Variants in BSDC1 observed in about 807,000 individuals in gnomAD.
BSDC1 encodes BSD domain-containing protein 1.
Under a neutral mutation model 56.0 loss-of-function variants are expected in BSDC1, and 29 were observed. The observed-to-expected ratio is 0.52, with a 90% CI of 0.39 to 0.71. The LOEUF is 0.71. BSDC1 is among the 30% of genes least tolerant of loss of function. The probability of loss-of-function intolerance (pLI) is 0.00; values close to 1 mark genes in which losing one functional copy is unlikely to be tolerated. For synonymous variants in BSDC1, 210 were observed against 215.3 expected, an observed-to-expected ratio of 0.98 and a Z score of 0.21; for missense variants, 477 against 548.5, an observed-to-expected ratio of 0.87 and a Z score of 1.30.
intron 4 of BSDC1, among the ~76,000 whole-genome samples, chr1:32,382,509 G>A (rs997179482): frequency 4.6e-5 from 7 of 150,582 alleles, no homozygotes; most frequent in Non-Finnish European, 7.4e-5. Context: ...ACTACGAAGA[G>A]GGCCCAACTG....
chr1:32,381,280 G>A lies in BSDC1; in HGVS notation c.358-12C>T, dbSNP rs1323429514. 1.9e-6 allele frequency: 3 copies of A among 1,613,182 alleles called. No individual in the cohort carries two copies. Among genetic ancestry groups the A allele is most frequent in the African/African-American group, 2.7e-5 (2 of 75,004 alleles). On this transcript the variant is annotated splice_polypyrimidine_tract_variant and intron_variant, in intron 4 of 10. Transcript: ENST00000455895. ...CTATAGAGGCGAGCCTGTAAGAAAA[G>A]GAGAAGAGGAAAACAGAAATTCTGA...
At chr1:32,372,850 A>C (rs1642142142) in intron 9 of BSDC1, among the ~76,000 whole-genome samples, 2 of 152,194 alleles carry the variant, frequency 1.3e-5, no homozygotes, top group Admixed American at 6.5e-5. Context: ...AACTGCTCTT[A>C]GGTCACACGG....
Position 32,378,990 on chromosome 1 carries a change from A to G in BSDC1, c.413-151T>C, listed in dbSNP as rs1642394250. On this transcript the variant is annotated intron_variant, in intron 5 of 10. Transcript: ENST00000455895. This position sits in a 1 kb window ranked among gnomAD's most constrained non-coding sequence, Gnocchi z 5.2. ...AAGGGTAGGGGGTCAGGCAGGGTGA[A>G]GGGGCGGGTGCCGCACCTGAGTGAT... 6.3e-6 allele frequency: 3 copies of G among 477,094 alleles called. No homozygotes were observed. The highest frequency in any genetic ancestry group is 1.1e-5 in the Non-Finnish European group (3 of 270,734). The allele number at this position is 477,094 out of a possible 1,614,324, so 29.6% of individuals were successfully genotyped here.
In BSDC1 at chr1:32,364,904, C is replaced by G. The variant is rs951526658; in HGVS notation, c.*1718G>C. Among the ~76,000 whole-genome samples the G allele has an allele frequency of 2.6e-5, 4 of 152,228 alleles. No homozygotes were observed. Among genetic ancestry groups the G allele is most frequent in the African/African-American group, 9.6e-5 (4 of 41,452 alleles). On this transcript the variant is annotated 3_prime_UTR_variant, in exon 11 of 11. Coordinates refer to ENST00000455895, the MANE Select transcript of BSDC1 (RefSeq NM_018045.8). ...TGGGAGTGCAGAGATGGCCTCCCGA[C>G]TCCTTGTCCCAGTGAGAGGCCTGTT... is the stretch of plus-strand genomic sequence containing the variant.
intron 3 of BSDC1, chr1:32,386,505 T>C (rs954330293): frequency 3.5e-5 from 12 of 340,366 alleles, no homozygotes; most frequent in Non-Finnish European, 5.9e-5. Flanking sequence ...TTCTCTTTTC[T>C]TTCACTTGTC....
Position 32,366,472 on chromosome 1 carries a change from G to T in BSDC1, c.*150C>A. ...CCCAGGTGTGAGCAGAGGCCCAAGA[G>T]GGCCAGCAGGGAGCCACCAGAATCT... is the stretch of plus-strand genomic sequence containing the variant. On this transcript the variant is annotated 3_prime_UTR_variant, in exon 11 of 11. Coordinates refer to ENST00000455895, the MANE Select transcript of BSDC1 (RefSeq NM_018045.8). 1 of 795,782 alleles carries T rather than the reference G, an allele frequency of 1.3e-6. No individual in the cohort carries two copies. Among genetic ancestry groups the T allele is most frequent in the South Asian group, 1.5e-5 (1 of 68,630 alleles). The allele number at this position is 795,782 out of a possible 1,614,324, so 49.3% of individuals were successfully genotyped here.
At chr1:32,387,907 T>TG (rs1038127765) in intron 2 of BSDC1, among the ~76,000 whole-genome samples, 1 of 152,240 alleles carries the variant, frequency 6.6e-6, no homozygotes, top group African/African-American at 2.4e-5. Context: ...CAGATTCTCT[T>TG]GGAGGCCTTC....
Position 32,378,857 on chromosome 1 carries a change from C to T in BSDC1, c.413-18G>A, listed in dbSNP as rs1438874707. The T allele has an allele frequency of 4.8e-6, 7 of 1,455,830 alleles. No individual in the cohort carries two copies. Among genetic ancestry groups the T allele is most frequent in the Non-Finnish European group, 6.4e-6 (7 of 1,095,818 alleles). The allele number at this position is 1,455,830 out of a possible 1,614,324, so 90.2% of individuals were successfully genotyped here. ...CGGGGGCCCTGCAGAGGGACAGATG[C>T]TGACGGTCAGTTGCCTTGGTCTGGG... On this transcript the variant is annotated intron_variant, in intron 5 of 10. Coordinates refer to ENST00000455895, the MANE Select transcript of BSDC1 (RefSeq NM_018045.8). The surrounding 1 kb of genome is among the most constrained non-coding windows in gnomAD (Gnocchi z 5.2).
At chr1:32,377,237 T>TG (rs1386315954) in intron 8 of BSDC1, among the ~76,000 whole-genome samples, 1 of 152,214 alleles carries the variant, frequency 6.6e-6, no homozygotes, top group Non-Finnish European at 1.5e-5. Flanking sequence ...TGTTTAGCCC[T>TG]GGGGCCTAAT....
chr1:32,389,083 T>C (rs1642774223), intron 2 of BSDC1, among the ~76,000 whole-genome samples: 1 of 151,818 alleles, frequency 6.6e-6, no homozygotes, highest in African/African-American at 2.4e-5. Context: ...GCCTCCCGAG[T>C]AGCTGGGACT....
chr1:32,376,466 CCT>C lies in BSDC1; in HGVS notation c.950_951del (p.Gln317ArgfsTer8). The C allele has an allele frequency of 6.2e-7, 1 of 1,612,546 alleles. No individual in the cohort carries two copies. The highest frequency in any genetic ancestry group is 8.5e-7 in the Non-Finnish European group (1 of 1,178,846). ...GTCTCACCCACATCCACAGCCAGGC[CCT>C]GTTCCTCCAAGGATGCCTCTAGCAG... ...QKLLEASLEE[Q>X]GLAVDVGETG... On this transcript the variant is annotated frameshift_variant, in exon 9 of 11. Transcript: ENST00000455895. LOFTEE classifies it high-confidence loss of function.
intron 9 of BSDC1, among the ~76,000 whole-genome samples, chr1:32,373,622 G>A (rs1642175531): frequency 6.6e-6 from 1 of 152,056 alleles, no homozygotes; most frequent in South Asian, 2.1e-4. Flanking sequence ...CCCCACTCAG[G>A]TGATCCTCCC....
At chr1:32,393,945 G>T in intron 2 of BSDC1, 135 bp downstream of exon 2, 2 of 770,808 alleles carry the variant, frequency 2.6e-6, no homozygotes, top group Non-Finnish European at 4.2e-6. Context: ...ACCGGTAGAG[G>T]CTAAAAGAAA....
chr1:32,386,421 C>T (rs1642674273), intron 3 of BSDC1: 1 of 174,754 alleles, frequency 5.7e-6, no homozygotes, highest in Non-Finnish European at 1.2e-5. Flanking sequence ...AAAATATTAA[C>T]AGTAGCTATC....
intron 2 of BSDC1, among the ~76,000 whole-genome samples, chr1:32,393,239 A>T (rs1320903051): frequency 6.6e-6 from 1 of 152,240 alleles, no homozygotes. Flanking sequence ...AAACAGGAAT[A>T]CACATTGGCA....
intron 9 of BSDC1, chr1:32,374,815 C>T (rs60151213): frequency 0.056 from 8,541 of 152,354 alleles, 770 homozygotes; most frequent in African/African-American, 0.19. Context: ...CTCACAAAGG[C>T]TGCGGCTTCT....
intron 2 of BSDC1, among the ~76,000 whole-genome samples, chr1:32,389,784 CCACA>C (rs58560406): frequency 8.9e-5 from 13 of 146,074 alleles, no homozygotes; most frequent in Admixed American, 2.1e-4. Context: ...AAAACCGTCT[CCACA>C]CACACACACA....
At chr1:32,384,062 G>T in intron 3 of BSDC1, 65 bp from the exon 4 acceptor site, 3 of 1,608,592 alleles carry the variant, frequency 1.9e-6, no homozygotes, top group Admixed American at 1.7e-5. Context: ...GGGTATGGGG[G>T]TAAAACATTG....
intron 9 of BSDC1, among the ~76,000 whole-genome samples, chr1:32,375,635 G>A (rs1354556573): frequency 6.6e-6 from 1 of 152,154 alleles, no homozygotes; most frequent in African/African-American, 2.4e-5. Context: ...AAGCTGGGTC[G>A]CTGTAAATTC....
Sources: gnomAD v4.1 joint callset for allele counts (sites outside exome capture counted in the v4.1 genomes callset) on GRCh38, gnomAD v4.1.1 for gene constraint, Gnocchi (gnomAD v3.1) non-coding constraint, MANE v1.5 for transcripts, NCBI Gene and HGNC (gene_info 2026-07-23, HGNC 2026-07-21) for gene names.